Variants in BTRC observed in about 807,000 individuals in gnomAD.
BTRC encodes F-box/WD repeat-containing protein 1A.
BTRC carries 42 observed loss-of-function variants against 85.5 expected under a neutral mutation model. The observed-to-expected ratio is 0.49, with a 90% CI of 0.38 to 0.64. The LOEUF is 0.64. Among genes scored for constraint, BTRC ranks in the 30% least tolerant of loss-of-function variants. The pLI is 0.00. For synonymous variants in BTRC, 255 were observed against 263.3 expected (o/e 0.97, Z 0.30); for missense variants, 594 against 743.5 (o/e 0.80, Z 2.34).
At chr10:101,423,227 A>G (rs1217175408) in intron 1 of BTRC, among the ~76,000 whole-genome samples, 5 of 152,012 alleles carry the variant, frequency 3.3e-5, no homozygotes, top group Non-Finnish European at 7.4e-5. Flanking sequence ...TCTGGGTCTT[A>G]TTTACCTTAC....
chr10:101,436,904 G>T (rs997891206), intron 2 of BTRC, among the ~76,000 whole-genome samples: 2 of 152,058 alleles, frequency 1.3e-5, no homozygotes, highest in Non-Finnish European at 2.9e-5. Flanking sequence ...GGAAAATTAG[G>T]CATTATTCAT....
At position 101,427,825 on chromosome 10, in the gene BTRC, G is replaced by A. The variant is rs568719563; in HGVS notation, c.49-2520G>A. Among the ~76,000 whole-genome samples the A allele has an allele frequency of 1.2e-4, 19 of 152,194 alleles. 1 individual carries two copies. The South Asian group carries it at 3.7e-3, about 30-fold the overall frequency. On this transcript the variant is annotated intron_variant, in intron 1 of 14. Transcript: ENST00000370187. ...TTATAGGATTGAGCCACCACATCTG[G>A]CTCCAGGACAGTGTCTACTACCAGA...
chr10:101,542,940 G>A (rs1030319906), intron 13 of BTRC, among the ~76,000 whole-genome samples: 1 of 152,128 alleles, frequency 6.6e-6, no homozygotes, highest in Non-Finnish European at 1.5e-5. Flanking sequence ...GCAGTGGCAC[G>A]ATGTCGGCTC....
intron 13 of BTRC, among the ~76,000 whole-genome samples, chr10:101,548,375 G>A (rs986329184): frequency 7.9e-5 from 12 of 152,132 alleles, no homozygotes; most frequent in Non-Finnish European, 1.3e-4. Flanking sequence ...TTCATACAGT[G>A]GAATATCAAC....
intron 2 of BTRC, among the ~76,000 whole-genome samples, chr10:101,436,066 A>G (rs1278651092): frequency 6.6e-6 from 1 of 152,170 alleles, no homozygotes; most frequent in Non-Finnish European, 1.5e-5. Flanking sequence ...AGTTGTTAGA[A>G]TAAATTCTAT....
intron 1 of BTRC, among the ~76,000 whole-genome samples, chr10:101,418,890 G>GGT (rs1292557398): frequency 6.6e-6 from 1 of 151,948 alleles, no homozygotes; most frequent in Non-Finnish European, 1.5e-5. Flanking sequence ...TTACATTTAA[G>GGT]GTGTACAACA....
intron 1 of BTRC, among the ~76,000 whole-genome samples, chr10:101,397,773 A>G (rs995432858): frequency 1.3e-5 from 2 of 152,152 alleles, no homozygotes; most frequent in South Asian, 2.1e-4. Flanking sequence ...TGTAATGTAA[A>G]TATCTAATAC....
At chr10:101,448,919 T>C (rs971334815) in intron 2 of BTRC, among the ~76,000 whole-genome samples, 4 of 151,686 alleles carry the variant, frequency 2.6e-5, no homozygotes, top group African/African-American at 9.7e-5. Flanking sequence ...TAGAAATAAG[T>C]GAGAGGAATG....
At chr10:101,528,194 G>A (rs1445599208) in intron 6 of BTRC, among the ~76,000 whole-genome samples, 1 of 152,206 alleles carries the variant, frequency 6.6e-6, no homozygotes, top group Admixed American at 6.5e-5. Context: ...CATTTGGACT[G>A]TAAATGACAG....
chr10:101,519,421 G>A (rs2062070353), intron 4 of BTRC, among the ~76,000 whole-genome samples: 1 of 152,032 alleles, frequency 6.6e-6, no homozygotes, highest in South Asian at 2.1e-4. Flanking sequence ...GTTCCTTGCT[G>A]TTGTAGGACT....
intron 4 of BTRC, among the ~76,000 whole-genome samples, chr10:101,511,030 TA>T (rs1213634066): frequency 6.6e-6 from 1 of 152,180 alleles, no homozygotes; most frequent in Non-Finnish European, 1.5e-5. Context: ...GCAGCTAGTA[TA>T]AATATTTGTA....
At chr10:101,548,691 G>A (rs1170204367) in intron 13 of BTRC, among the ~76,000 whole-genome samples, 2 of 152,088 alleles carry the variant, frequency 1.3e-5, no homozygotes, top group Non-Finnish European at 2.9e-5. Context: ...GGCGGAAGTT[G>A]CAGTGAGCCG....
chr10:101,455,304 G>A (rs1214248345), intron 2 of BTRC, among the ~76,000 whole-genome samples: 1 of 150,386 alleles, frequency 6.6e-6, no homozygotes, highest in Non-Finnish European at 1.5e-5. Flanking sequence ...CAATCCTCCT[G>A]TCTCTACCTC....
At position 101,392,024 on chromosome 10, in the gene BTRC, G is replaced by C. The variant is rs1943247565; in HGVS notation, c.48+37796G>C. Among the ~76,000 whole-genome samples the C allele has an allele frequency of 2.0e-5, 3 of 152,044 alleles. No individual in the cohort carries two copies. In the South Asian group the frequency reaches 6.2e-4, roughly 32 times the overall value. Reference sequence around the variant, plus strand: ...AGACGGAGGCTTGCTCTGTCGCCCAGGCTGGAGTGCAGTGCCGCTATCTCA... The same window carrying C: ...AGACGGAGGCTTGCTCTGTCGCCCACGCTGGAGTGCAGTGCCGCTATCTCA... On this transcript the variant is annotated intron_variant, in intron 1 of 14. Transcript: ENST00000370187.
At chr10:101,381,120 G>C (rs915715213) in intron 1 of BTRC, among the ~76,000 whole-genome samples, 1 of 133,432 alleles carries the variant, frequency 7.5e-6, no homozygotes, top group Admixed American at 7.7e-5. Flanking sequence ...TTATTCTTGG[G>C]TGGTGATAAT....
At chr10:101,468,145 G>A (rs1464621766) in intron 3 of BTRC, among the ~76,000 whole-genome samples, 2 of 152,134 alleles carry the variant, frequency 1.3e-5, no homozygotes, top group African/African-American at 4.8e-5. Flanking sequence ...AAGACCGTAT[G>A]GGGGGTTGGT....
chr10:101,411,677 G>C (rs1377548684), intron 1 of BTRC, among the ~76,000 whole-genome samples: 1 of 149,836 alleles, frequency 6.7e-6, no homozygotes, highest in Non-Finnish European at 1.5e-5. Context: ...TGTTATTATA[G>C]CTGTTTTAAT....
chr10:101,541,078 T>C (rs1175816606), intron 13 of BTRC, among the ~76,000 whole-genome samples: 1 of 150,812 alleles, frequency 6.6e-6, no homozygotes, highest in Non-Finnish European at 1.5e-5. Flanking sequence ...CTATGTATCT[T>C]TTATTTCTCT....
At position 101,506,392 on chromosome 10, in the gene BTRC, C is replaced by G. The variant is rs187320244; in HGVS notation, c.325-15247C>G. On this transcript the variant is annotated intron_variant, in intron 4 of 14. Coordinates refer to ENST00000370187, the MANE Select transcript of BTRC (RefSeq NM_033637.4). ...CCTTTCCTGCCTTTCTCTGTCCTCC[C>G]AAAATTTAGCTCATGTTTTTTTGTA... is the stretch of plus-strand genomic sequence containing the variant. Among the ~76,000 whole-genome samples the G allele has an allele frequency of 1.5e-4, 23 of 152,256 alleles. 1 individual carries two copies. The East Asian group carries it at 4.4e-3, about 29-fold the overall frequency.
Sources: gnomAD v4.1 joint callset for allele counts (sites outside exome capture counted in the v4.1 genomes callset) on GRCh38, gnomAD v4.1.1 for gene constraint, MANE v1.5 for transcripts, NCBI Gene and HGNC (gene_info 2026-07-23, HGNC 2026-07-21) for gene names.